CLDN11: variants seen among roughly 807,000 people sequenced by gnomAD.
The protein encoded by CLDN11 is claudin-11.
In CLDN11, 1 loss-of-function variant was observed where a neutral mutation model predicts 18.0. That is an observed-to-expected ratio of 0.06 (90% CI 0.02 to 0.26). The LOEUF (loss-of-function observed/expected upper bound fraction) is 0.26. Ranked by LOEUF, CLDN11 falls within the 10% of genes least tolerant of loss-of-function variation. The pLI is 1.00. For synonymous variants in CLDN11, 116 were observed against 121.5 expected (o/e 0.96, Z 0.30); for missense variants, 172 against 276.6 (o/e 0.62, Z 2.68).
At chr3:170,422,598 T>C (rs2108244040) in intron 1 of CLDN11, among the ~76,000 whole-genome samples, 1 of 152,218 alleles carries the variant, frequency 6.6e-6, no homozygotes, top group South Asian at 2.1e-4. Context: ...AATTTTTGTA[T>C]TTTTAGTAGA....
At chr3:170,423,600 A>G (rs962035170) in intron 2 of CLDN11, 4 of 420,546 alleles carry the variant, frequency 9.5e-6, no homozygotes, top group African/African-American at 3.9e-5. Flanking sequence ...GAAAGACCTG[A>G]AAGATGGAAG....
rs939458100 is a variant in CLDN11, at chr3:170,418,914, C to T, written c.-153C>T. 27 of 607,532 alleles carry T rather than the reference C, an allele frequency of 4.4e-5. No individual in the cohort carries two copies. Among genetic ancestry groups the T allele is most frequent in the Admixed American group, 1.2e-4 (4 of 33,318 alleles). The allele number at this position is 607,532 out of a possible 1,614,324, so 37.6% of individuals were successfully genotyped here. The stretch of plus-strand genomic sequence containing the variant: ...CGCCCTTCGCCGCTGAGCTCGCAGC[C>T]TCCGGCGCCCACCTCCACCTCCAGT... On this transcript the variant is annotated 5_prime_UTR_variant, in exon 1 of 3. Coordinates refer to ENST00000064724, the MANE Select transcript of CLDN11 (RefSeq NM_005602.6). This position sits in a 1 kb window ranked among gnomAD's most constrained non-coding sequence, Gnocchi z 4.3.
At position 170,427,058 on chromosome 3, in the gene CLDN11, T is replaced by C. The variant is rs1203098566; in HGVS notation, c.391+3731T>C. On this transcript the variant is annotated intron_variant, in intron 2 of 2. Transcript: ENST00000064724. ...CCAAGAAGGTCTTTAAGAACGTTTT[T>C]ATTTTGGAAAATATCAGACCTATAT... 2.0e-5 allele frequency among the ~76,000 whole-genome samples: 3 copies of C among 152,198 alleles called. No individual in the cohort carries two copies. In the East Asian group the frequency reaches 5.8e-4, roughly 29 times the overall value.
intron 2 of CLDN11, among the ~76,000 whole-genome samples, chr3:170,427,634 AAC>A: frequency 1.3e-5 from 2 of 151,880 alleles, no homozygotes; most frequent in East Asian, 3.9e-4. Flanking sequence ...AAAAACAAAA[AAC>A]AAAAAAACCA....
rs1738665436 is a variant in CLDN11 at position 170,419,365 on chromosome 3, C to T, written c.226+73C>T. The T allele has an allele frequency of 8.8e-7, 1 of 1,131,950 alleles. No homozygotes were observed. Among genetic ancestry groups the T allele is most frequent in the Non-Finnish European group, 1.3e-6 (1 of 796,934 alleles). 70.1% of individuals were successfully genotyped at this position (1,131,950 alleles called of 1,614,324 possible). A position where few individuals can be genotyped will look rare whatever the true frequency, so the allele number is the denominator to read the frequency against. ...TAGAGAGCGGGATATTAGACGGCGT[C>T]ACAGAGACATTTTGGGGGCTTGAAG... is the stretch of plus-strand genomic sequence containing the variant. On this transcript the variant is annotated intron_variant, in intron 1 of 2. Coordinates refer to ENST00000064724, the MANE Select transcript of CLDN11 (RefSeq NM_005602.6). The surrounding 1 kb of genome is among the most constrained non-coding windows in gnomAD (Gnocchi z 8.6).
At chr3:170,420,219 G>A (rs1258551600) in intron 1 of CLDN11, among the ~76,000 whole-genome samples, 1 of 152,254 alleles carries the variant, frequency 6.6e-6, no homozygotes, top group Non-Finnish European at 1.5e-5. Flanking sequence ...TTAAACCAAT[G>A]GGTTGGGCAA....
At chr3:170,422,574 C>T (rs560871635) in intron 1 of CLDN11, among the ~76,000 whole-genome samples, 1 of 152,244 alleles carries the variant, frequency 6.6e-6, no homozygotes, top group African/African-American at 2.4e-5. Flanking sequence ...AGGCTCACAC[C>T]ACCACACCAG....
chr3:170,426,843 G>T (rs1389520784), intron 2 of CLDN11, among the ~76,000 whole-genome samples: 1 of 151,978 alleles, frequency 6.6e-6, no homozygotes, highest in Non-Finnish European at 1.5e-5. Flanking sequence ...GTGCAGTGGC[G>T]CAATCTTGGC....
intron 2 of CLDN11, among the ~76,000 whole-genome samples, chr3:170,427,927 C>T (rs1046108421): frequency 5.9e-5 from 9 of 151,794 alleles, no homozygotes; most frequent in African/African-American, 1.2e-4. Context: ...AAGGCAGACG[C>T]GGGCAGATTG....
intron 1 of CLDN11, among the ~76,000 whole-genome samples, chr3:170,422,620 G>A (rs187071189): frequency 4.6e-5 from 7 of 152,128 alleles, no homozygotes; most frequent in African/African-American, 9.6e-5. Flanking sequence ...ATGGGGTTTC[G>A]CCCTGTTGGC....
chr3:170,419,102 C>T lies in CLDN11; in HGVS notation c.36C>T (p.Val12=). ...CGTGCCTGCAGGTGGTGGGCTTCGT[C>T]ACGAGCTTCGTGGGCTGGATCGGGG... ...VATCLQVVGF[V]TSFVGWIGVI... Residue 12 remains valine, a synonymous_variant, in exon 1 of 3, where the codon GTC becomes GTT. Coordinates refer to ENST00000064724, the MANE Select transcript of CLDN11 (RefSeq NM_005602.6). This position sits in a 1 kb window ranked among gnomAD's most constrained non-coding sequence, Gnocchi z 8.6. 6.4e-7 allele frequency: 1 copy of T among 1,551,356 alleles called. No individual in the cohort carries two copies. The highest frequency in any genetic ancestry group is 8.7e-7 in the Non-Finnish European group (1 of 1,147,086).
Position 170,419,100 on chromosome 3 carries a change from G to C in CLDN11, c.34G>C (p.Val12Leu). The change falls in exon 1 of 3, where the codon GTC (valine) becomes CTC (leucine). Residue 12 changes from valine to leucine, a missense_variant. By Grantham distance (32) the Val-to-Leu change is conservative. Around this residue, in one of 3 missense-constraint regions of CLDN11, gnomAD observed 10 missense variants for 17.3 expected, o/e 0.58. Coordinates refer to ENST00000064724, the MANE Select transcript of CLDN11 (RefSeq NM_005602.6). This position sits in a 1 kb window ranked among gnomAD's most constrained non-coding sequence, Gnocchi z 8.6. ...CACGTGCCTGCAGGTGGTGGGCTTC[G>C]TCACGAGCTTCGTGGGCTGGATCGG... is the stretch of plus-strand genomic sequence containing the variant. Reference protein sequence around the residue: ...VATCLQVVGFVTSFVGWIGVI... With the variant: ...VATCLQVVGFLTSFVGWIGVI... 1 of 1,551,278 alleles carries C rather than the reference G, an allele frequency of 6.4e-7. No individual in the cohort carries two copies. The highest frequency in any genetic ancestry group is 2.4e-5 in the East Asian group (1 of 40,904).
intron 2 of CLDN11, among the ~76,000 whole-genome samples, chr3:170,427,819 A>G (rs1205309057): frequency 1.3e-5 from 2 of 150,948 alleles, no homozygotes; most frequent in African/African-American, 4.9e-5. Context: ...AAAAAAAAAA[A>G]AAAAAGAAAA....
chr3:170,429,570 T>C (rs983834036), intron 2 of CLDN11, among the ~76,000 whole-genome samples: 2 of 152,236 alleles, frequency 1.3e-5, no homozygotes, highest in Non-Finnish European at 2.9e-5. Context: ...GTTCATTGTA[T>C]GAAATATTTA....
At chr3:170,429,213 C>T (rs757106509) in intron 2 of CLDN11, among the ~76,000 whole-genome samples, 1 of 151,984 alleles carries the variant, frequency 6.6e-6, no homozygotes, top group Non-Finnish European at 1.5e-5. Context: ...TTTCAGTGAG[C>T]CTCTCATTTC....
intron 2 of CLDN11, chr3:170,423,558 AAG>A (rs1360861675): frequency 1.9e-6 from 1 of 520,488 alleles, no homozygotes; most frequent in South Asian, 2.9e-5. Context: ...TAAAAAGAGA[AAG>A]AGGATTTTGA....
At chr3:170,421,552 A>T (rs1260318210) in intron 1 of CLDN11, among the ~76,000 whole-genome samples, 1 of 152,174 alleles carries the variant, frequency 6.6e-6, no homozygotes, top group East Asian at 1.9e-4. Context: ...ACAGCGTTGA[A>T]GTTAGGCCTT....
At chr3:170,426,873 C>T (rs1225237718) in intron 2 of CLDN11, among the ~76,000 whole-genome samples, 1 of 152,156 alleles carries the variant, frequency 6.6e-6, no homozygotes. Context: ...CCTCTGCCAC[C>T]TGGGTTCAAG....
chr3:170,432,462 C>A, intron 2 of CLDN11, 62 bp from the exon 3 acceptor site: 1 of 1,602,846 alleles, frequency 6.2e-7, no homozygotes. Flanking sequence ...AGTGAGTGGG[C>A]CTGCCCAAGT....
Sources: allele counts gnomAD v4.1 joint callset (sites outside exome capture counted in the v4.1 genomes callset), GRCh38; gene constraint gnomAD v4.1.1; regional missense constraint gnomAD v4.1.1; non-coding constraint Gnocchi (gnomAD v3.1); transcripts MANE v1.5; gene names NCBI Gene and HGNC (gene_info 2026-07-23, HGNC 2026-07-21).